The following CPN1 variants were observed in gnomAD, a reference collection of about 807,000 sequenced individuals.
CPN1 encodes carboxypeptidase N catalytic chain.
In CPN1, 37 loss-of-function variants were observed where a neutral mutation model predicts 46.4. That is an observed-to-expected ratio of 0.80 (90% CI 0.61 to 1.05). CPN1 has a LOEUF of 1.05. Ranked by LOEUF, CPN1 falls within the 50% of genes least tolerant of loss-of-function variation. The pLI, the probability that CPN1 is intolerant of heterozygous loss-of-function variation, is 0.00. For missense variants in CPN1, 563 were observed against 602.6 expected, an observed-to-expected ratio of 0.93 and a Z score of 0.69; for synonymous variants, 224 against 235.4, an observed-to-expected ratio of 0.95 and a Z score of 0.44.
In CPN1 at chr10:100,054,172, A is replaced by G. The variant is rs183581582; in HGVS notation, c.1111+175T>C. ...TTAAAACATCTTGGTTGTTTGATTC[A>G]GCCTCTTAATTTACTGTCTCCATTT... On this transcript the variant is annotated intron_variant, in intron 7 of 8. Transcript: ENST00000370418. Among the ~76,000 whole-genome samples, 149 of 152,310 alleles carry G rather than the reference A, an allele frequency of 9.8e-4. 2 individuals carry two copies. The highest frequency in any genetic ancestry group is 9.6e-3 in the Admixed American group (147 of 15,286).
intron 2 of CPN1, among the ~76,000 whole-genome samples, chr10:100,070,770 A>G (rs1204870886): frequency 6.6e-6 from 1 of 152,224 alleles, no homozygotes; most frequent in Non-Finnish European, 1.5e-5. Flanking sequence ...TGGGAACCCC[A>G]ATGTTTTATG....
In CPN1 at chr10:100,076,034, C is replaced by T. The variant is rs1321917571; in HGVS notation, c.297G>A (p.Leu99=). 6.2e-7 allele frequency: 1 copy of T among 1,614,198 alleles called. No individual in the cohort carries two copies. Among genetic ancestry groups the T allele is most frequent in the East Asian group, 2.2e-5 (1 of 44,888 alleles). ...EALGRELMLQ[L]SEFLCEEFRN... ...GGAACTCCTCGCACAGAAACTCCGA[C>T]AGCTGCAGCATCAGCTCGCGGCCCA... The change falls in exon 2 of 9, where the codon CTG becomes CTA. Residue 99 remains leucine, a synonymous_variant. Transcript: ENST00000370418.
chr10:100,058,206 T>C lies in CPN1; in HGVS notation c.872-1054A>G, dbSNP rs370537556. On this transcript the variant is annotated intron_variant, in intron 5 of 8. Coordinates refer to ENST00000370418, the MANE Select transcript of CPN1 (RefSeq NM_001308.3). ...CATTTCATGACTGAATTTCACTTCT[T>C]GTCCCTTTTAACATTTCCAAAGTCT... Among the ~76,000 whole-genome samples the C allele has an allele frequency of 8.5e-5, 13 of 152,300 alleles. No homozygotes were observed. In the South Asian group the frequency reaches 2.7e-3, roughly 32 times the overall value.
chr10:100,057,652 G>C (rs904343091), intron 5 of CPN1, among the ~76,000 whole-genome samples: 1 of 152,044 alleles, frequency 6.6e-6, no homozygotes, highest in Non-Finnish European at 1.5e-5. Flanking sequence ...TGAATGAAGC[G>C]AATAAATTTT....
intron 7 of CPN1, among the ~76,000 whole-genome samples, chr10:100,049,156 A>G (rs1448989977): frequency 6.6e-6 from 1 of 151,656 alleles, no homozygotes; most frequent in East Asian, 1.9e-4. Flanking sequence ...ACGGGGTTTC[A>G]TCATGTTGGC....
intron 5 of CPN1, among the ~76,000 whole-genome samples, chr10:100,061,206 TA>T (rs1328676098): frequency 6.6e-6 from 1 of 152,130 alleles, no homozygotes; most frequent in Non-Finnish European, 1.5e-5. Context: ...ACTTTTAGAA[TA>T]ACTGAGGGAG....
Position 100,081,776 on chromosome 10 carries a change from G to C in CPN1, c.-151C>G, listed in dbSNP as rs1180803084. On this transcript the variant is annotated 5_prime_UTR_variant, in exon 1 of 9. Coordinates refer to ENST00000370418, the MANE Select transcript of CPN1 (RefSeq NM_001308.3). ...AAGACGTTCCCAGCTGTCCGTCCAAGGCTGGAAATTCTTTATGTCGTTCTG... is the reference window on the plus strand; with the variant it reads ...AAGACGTTCCCAGCTGTCCGTCCAACGCTGGAAATTCTTTATGTCGTTCTG... 5 of 698,404 alleles carry C rather than the reference G, an allele frequency of 7.2e-6. No individual in the cohort carries two copies. Among genetic ancestry groups the C allele is most frequent in the African/African-American group, 1.8e-5 (1 of 56,896 alleles). 43.3% of individuals were successfully genotyped at this position (698,404 alleles called of 1,614,324 possible).
At position 100,072,515 on chromosome 10, in the gene CPN1, C is replaced by T. The variant is rs1443518823; in HGVS notation, c.421-2646G>A. ...GTTAAACTGTTTTTCAAAGTGGTTA[C>T]ACTATGGAAACTCACTCCTCCCCCC... On this transcript the variant is annotated intron_variant, in intron 2 of 8. Transcript: ENST00000370418. Among the ~76,000 whole-genome samples, 38 of 152,140 alleles carry T rather than the reference C, an allele frequency of 2.5e-4. 1 individual carries two copies. The highest frequency in any genetic ancestry group is 2.5e-3 in the Admixed American group (38 of 15,270).
At chr10:100,044,176 G>A (rs747514052) in intron 8 of CPN1, among the ~76,000 whole-genome samples, 1 of 152,144 alleles carries the variant, frequency 6.6e-6, no homozygotes, top group African/African-American at 2.4e-5. Context: ...CTCCAGGAGG[G>A]AAGGGGAGAA....
intron 5 of CPN1, among the ~76,000 whole-genome samples, 167 bp downstream of exon 5, chr10:100,063,447 C>T (rs2041432880): frequency 6.6e-6 from 1 of 152,150 alleles, no homozygotes; most frequent in African/African-American, 2.4e-5. Context: ...TAAAGAATCA[C>T]AATATGATCA....
intron 6 of CPN1, 64 bp downstream of exon 6, chr10:100,056,949 C>A: frequency 6.2e-7 from 1 of 1,608,452 alleles, no homozygotes; most frequent in Non-Finnish European, 8.5e-7. Context: ...AGTGAAACAC[C>A]TTGCCTGCCA....
chr10:100,068,012 G>A (rs1185216502), intron 3 of CPN1, among the ~76,000 whole-genome samples: 1 of 151,502 alleles, frequency 6.6e-6, no homozygotes, highest in Non-Finnish European at 1.5e-5. Flanking sequence ...ATTGGCCAGG[G>A]GTGGTGGCAC....
At chr10:100,055,952 C>G (rs2041382527) in intron 6 of CPN1, among the ~76,000 whole-genome samples, 1 of 152,204 alleles carries the variant, frequency 6.6e-6, no homozygotes, top group African/African-American at 2.4e-5. Context: ...AATGCTGTTA[C>G]AAATATGGAT....
chr10:100,057,923 G>A (rs1736697528), intron 5 of CPN1, among the ~76,000 whole-genome samples: 1 of 152,064 alleles, frequency 6.6e-6, no homozygotes, highest in Admixed American at 6.6e-5. Context: ...GGGCTAATCA[G>A]GCTAATTAGG....
At position 100,081,535 on chromosome 10, in the gene CPN1, G is replaced by A. The variant is rs2041546740; in HGVS notation, c.91C>T (p.Leu31Phe). 1 of 1,614,088 alleles carries A rather than the reference G, an allele frequency of 6.2e-7. No individual in the cohort carries two copies. The highest frequency in any genetic ancestry group is 1.3e-5 in the African/African-American group (1 of 74,922). The change falls in exon 1 of 9, where the codon CTT becomes TTT. Residue 31 changes from leucine to phenylalanine, a missense_variant. Transcript: ENST00000370418. ...VTFRHHRYDD[L>F]VRTLYKVQNE... is the part of the protein sequence containing the mutation. ...TGCACCTTGTACAGCGTCCGCACAA[G>A]ATCATCATAGCGGTGGTGGCGAAAG...
intron 2 of CPN1, 37 bp downstream of exon 2, chr10:100,075,874 C>T (rs1244589444): frequency 6.2e-7 from 1 of 1,607,804 alleles, no homozygotes. Context: ...CTAAGAAGGC[C>T]TTGATCTCTC....
intron 6 of CPN1, 22 bp downstream of exon 6, chr10:100,056,991 G>C: frequency 3.1e-6 from 5 of 1,614,084 alleles, no homozygotes; most frequent in Non-Finnish European, 4.2e-6. Context: ...GCAAACATGA[G>C]AGTTAACAAA....
chr10:100,042,305 C>A lies in CPN1; in HGVS notation c.*122G>T. The stretch of plus-strand genomic sequence containing the variant: ...ACCCCTGGAACAGATGGAGACCATT[C>A]TGAATTGTTCTGAATATGTTTGTAT... On this transcript the variant is annotated 3_prime_UTR_variant, in exon 9 of 9. Coordinates refer to ENST00000370418, the MANE Select transcript of CPN1 (RefSeq NM_001308.3). The A allele has an allele frequency of 7.4e-7, 1 of 1,353,168 alleles. No homozygotes were observed. 83.8% of individuals were successfully genotyped at this position (1,353,168 alleles called of 1,614,324 possible). A position where few individuals can be genotyped will look rare whatever the true frequency, so the allele number is the denominator to read the frequency against.
intron 2 of CPN1, among the ~76,000 whole-genome samples, chr10:100,070,507 G>C (rs1463125657): frequency 2.0e-5 from 3 of 152,060 alleles, no homozygotes; most frequent in Admixed American, 6.5e-5. Flanking sequence ...ACAAAGTGCT[G>C]AGATTACAGG....
Sources: gnomAD v4.1 joint callset for allele counts (sites outside exome capture counted in the v4.1 genomes callset) on GRCh38, gnomAD v4.1.1 for gene constraint, MANE v1.5 for transcripts, NCBI Gene and HGNC (gene_info 2026-07-23, HGNC 2026-07-21) for gene names.